Variants in NEDD4L observed in about 807,000 individuals in gnomAD.
The protein encoded by NEDD4L is E3 ubiquitin-protein ligase NEDD4-like.
Under a neutral mutation model 148.9 loss-of-function variants are expected in NEDD4L, and 54 were observed. That is an observed-to-expected ratio of 0.36 (90% CI 0.29 to 0.45). The LOEUF (loss-of-function observed/expected upper bound fraction) is 0.45. Among genes scored for constraint, NEDD4L ranks in the 20% least tolerant of loss-of-function variants. NEDD4L has a pLI of 1.00. For synonymous variants in NEDD4L, 433 were observed against 440.7 expected (o/e 0.98, Z 0.22); for missense variants, 856 against 1,233.8 (o/e 0.69, Z 4.59).
At chr18:58,345,855 C>T (rs1333765211) in intron 16 of NEDD4L, among the ~76,000 whole-genome samples, 4 of 151,926 alleles carry the variant, frequency 2.6e-5, no homozygotes, top group African/African-American at 7.2e-5. Flanking sequence ...GATTCTCTTG[C>T]CTCAGCCTCC....
chr18:58,362,540 A>G (rs1601709289), intron 19 of NEDD4L, among the ~76,000 whole-genome samples: 2 of 152,266 alleles, frequency 1.3e-5, no homozygotes, highest in Middle Eastern at 3.4e-3. Flanking sequence ...GAGTGGAAGG[A>G]AGTCACTTTT....
At chr18:58,179,903 A>G (rs865911186) in intron 2 of NEDD4L, among the ~76,000 whole-genome samples, 1 of 152,028 alleles carries the variant, frequency 6.6e-6, no homozygotes, top group Non-Finnish European at 1.5e-5. Flanking sequence ...TCTCCAAACC[A>G]TCCACCCCAC....
intron 1 of NEDD4L, among the ~76,000 whole-genome samples, chr18:58,147,395 C>T (rs946361232): frequency 6.6e-6 from 1 of 152,130 alleles, no homozygotes; most frequent in East Asian, 1.9e-4. Flanking sequence ...CACGTTGCCA[C>T]ATTTGGGGGG....
At chr18:58,236,868 A>G (rs1011468441) in intron 2 of NEDD4L, among the ~76,000 whole-genome samples, 1 of 151,976 alleles carries the variant, frequency 6.6e-6, no homozygotes, top group Non-Finnish European at 1.5e-5. Flanking sequence ...TACTAAAAAT[A>G]CAATATTAGC....
At chr18:58,270,489 G>A (rs1257618231) in intron 5 of NEDD4L, among the ~76,000 whole-genome samples, 1 of 152,196 alleles carries the variant, frequency 6.6e-6, no homozygotes, top group Non-Finnish European at 1.5e-5. Flanking sequence ...TTGTATTGCT[G>A]TCTTTCATTC....
intron 1 of NEDD4L, among the ~76,000 whole-genome samples, chr18:58,116,396 AG>A (rs1336368312): frequency 6.6e-6 from 1 of 152,234 alleles, no homozygotes; most frequent in Non-Finnish European, 1.5e-5. Flanking sequence ...GTTTTGGTTT[AG>A]CTGCGGTTCT....
chr18:58,236,378 T>G (rs533587990), intron 2 of NEDD4L, among the ~76,000 whole-genome samples: 20 of 151,432 alleles, frequency 1.3e-4, no homozygotes, highest in Admixed American at 1.3e-3. Context: ...AAAAAAAAAT[T>G]TATGAAGTAC....
chr18:58,256,285 C>G lies in NEDD4L; in HGVS notation c.297+4231C>G. 1 of 1,231,476 alleles carries G rather than the reference C, an allele frequency of 8.1e-7. No homozygotes were observed. Among genetic ancestry groups the G allele is most frequent in the Non-Finnish European group, 1.0e-6 (1 of 987,728 alleles). The allele number at this position is 1,231,476 out of a possible 1,614,324, so 76.3% of individuals were successfully genotyped here. A position where few individuals can be genotyped will look rare whatever the true frequency, so the allele number is the denominator to read the frequency against. On this transcript the variant is annotated intron_variant, in intron 5 of 30. Coordinates refer to ENST00000400345, the MANE Select transcript of NEDD4L (RefSeq NM_001144967.3). This position sits in a 1 kb window ranked among gnomAD's most constrained non-coding sequence, Gnocchi z 5.2. ...TGCCCCTGGGCCCCGATGGCCAGGG[C>G]GGCCCGGCCGCGGCAGAGCCCAGGC...
chr18:58,236,289 C>T (rs1475045945), intron 2 of NEDD4L, among the ~76,000 whole-genome samples: 3 of 147,576 alleles, frequency 2.0e-5, no homozygotes, highest in East Asian at 2.1e-4. Flanking sequence ...CCCAGGAGGT[C>T]GAGGCTGCAG....
At chr18:58,109,572 G>GTTTT (rs869167759) in intron 1 of NEDD4L, among the ~76,000 whole-genome samples, 5 of 117,640 alleles carry the variant, frequency 4.3e-5, no homozygotes, top group Admixed American at 9.2e-5. Flanking sequence ...TTTTTTTTTT[G>GTTTT]TTTTTTTTTT....
At position 58,329,135 on chromosome 18, in the gene NEDD4L, G is replaced by A; in HGVS notation, c.813+8G>A. 6.2e-7 allele frequency: 1 copy of A among 1,613,534 alleles called. No individual in the cohort carries two copies. Among genetic ancestry groups the A allele is most frequent in the Non-Finnish European group, 8.5e-7 (1 of 1,179,750 alleles). On this transcript the variant is annotated splice_region_variant and intron_variant, in intron 10 of 30. Coordinates refer to ENST00000400345, the MANE Select transcript of NEDD4L (RefSeq NM_001144967.3). ...GGCGGGGATGTCCCCGAGGTACGAT[G>A]TCCCCAGAATGGTGCAAAGCCCGGC...
At chr18:58,103,255 G>GATATATTATATATT (rs113178458) in intron 1 of NEDD4L, among the ~76,000 whole-genome samples, 1 of 133,968 alleles carries the variant, frequency 7.5e-6, no homozygotes, top group South Asian at 2.1e-4. Context: ...TATATATGTG[G>GATATATTATATATT]ATATATTATA....
At chr18:58,385,904 G>A (rs548550023) in intron 26 of NEDD4L, among the ~76,000 whole-genome samples, 5 of 152,012 alleles carry the variant, frequency 3.3e-5, no homozygotes, top group East Asian at 3.9e-4. Context: ...AGTTTCAGGC[G>A]GTACCCAAGA....
At chr18:58,212,996 C>T (rs1370609140) in intron 2 of NEDD4L, among the ~76,000 whole-genome samples, 1 of 152,018 alleles carries the variant, frequency 6.6e-6, no homozygotes, top group Non-Finnish European at 1.5e-5. Context: ...TTCATTTTTG[C>T]TAGGGAAATG....
chr18:58,297,763 T>C (rs754409333), intron 5 of NEDD4L, among the ~76,000 whole-genome samples: 1 of 152,192 alleles, frequency 6.6e-6, no homozygotes, highest in Non-Finnish European at 1.5e-5. Context: ...AGTGTCCTTT[T>C]AAGCCCCTGC....
At chr18:58,138,490 A>G (rs902417359) in intron 1 of NEDD4L, among the ~76,000 whole-genome samples, 4 of 151,908 alleles carry the variant, frequency 2.6e-5, no homozygotes, top group African/African-American at 9.7e-5. Flanking sequence ...TTTTGGATAC[A>G]TTACGAAGTA....
chr18:58,050,542 C>T (rs2081821705), intron 1 of NEDD4L, among the ~76,000 whole-genome samples: 1 of 151,978 alleles, frequency 6.6e-6, no homozygotes, highest in Non-Finnish European at 1.5e-5. Flanking sequence ...TGGAGGATCA[C>T]CTGAGGTCAG....
chr18:58,344,312 C>T lies in NEDD4L; in HGVS notation c.1575+1209C>T, dbSNP rs78297981. Among the ~76,000 whole-genome samples the T allele has an allele frequency of 2.0e-3, 309 of 152,296 alleles. 1 individual carries two copies. Among genetic ancestry groups the T allele is most frequent in the African/African-American group, 7.1e-3 (295 of 41,562 alleles). The stretch of plus-strand genomic sequence containing the variant: ...GGCGTGCTCCTAGAATCCTTTGAAC[C>T]GTGGGACATTGTGTCTTCAAGGGCA... On this transcript the variant is annotated intron_variant, in intron 16 of 30. Coordinates refer to ENST00000400345, the MANE Select transcript of NEDD4L (RefSeq NM_001144967.3).
chr18:58,106,497 A>G (rs2085077545), intron 1 of NEDD4L, among the ~76,000 whole-genome samples: 1 of 152,168 alleles, frequency 6.6e-6, no homozygotes, highest in Non-Finnish European at 1.5e-5. Context: ...GCAGTGGTCA[A>G]AAGGCTGCCT....
Sources: allele counts gnomAD v4.1 joint callset (sites outside exome capture counted in the v4.1 genomes callset), GRCh38; gene constraint gnomAD v4.1.1; non-coding constraint Gnocchi (gnomAD v3.1); transcripts MANE v1.5; gene names NCBI Gene and HGNC (gene_info 2026-07-23, HGNC 2026-07-21).